The following FKBP5 variants were observed in gnomAD, a reference collection of about 807,000 sequenced individuals.
FKBP5 encodes the protein peptidyl-prolyl cis-trans isomerase FKBP5.
FKBP5 carries 23 observed loss-of-function variants against 50.5 expected under a neutral mutation model. That is an observed-to-expected ratio of 0.46 (90% CI 0.33 to 0.65). The LOEUF (loss-of-function observed/expected upper bound fraction) is 0.65. FKBP5 is among the 30% of genes least tolerant of loss of function. The pLI, the probability that FKBP5 is intolerant of heterozygous loss-of-function variation, is 0.02. For missense variants in FKBP5, 411 were observed against 553.1 expected (o/e 0.74, Z 2.58); for synonymous variants, 176 against 190.6 (o/e 0.92, Z 0.63).
chr6:35,675,003 T>C (rs1581873526), intron 1 of FKBP5, among the ~76,000 whole-genome samples: 1 of 152,232 alleles, frequency 6.6e-6, no homozygotes. Context: ...TTAATAAATA[T>C]CTGGAACACA....
rs558142416 is a variant in FKBP5, at chr6:35,641,748, T to TA, written c.105+971dup. ...GGCCGGGCACGGTGGCTCATGCCTG[T>TA]AATCCCAACACTTTGCGAGGCCAAG... On this transcript the variant is annotated intron_variant, in intron 2 of 10. Coordinates refer to ENST00000357266, the MANE Select transcript of FKBP5 (RefSeq NM_004117.4). 6.4e-4 allele frequency among the ~76,000 whole-genome samples: 98 copies of TA among 152,250 alleles called. 1 individual carries two copies. The highest frequency in any genetic ancestry group is 2.3e-3 in the African/African-American group (96 of 41,548).
intron 8 of FKBP5, chr6:35,582,769 C>T (rs1005553697): frequency 2.6e-5 from 26 of 985,146 alleles, no homozygotes; most frequent in East Asian, 2.3e-4. Context: ...AGTTTCAGGT[C>T]GGCATTTTCT....
intron 9 of FKBP5, among the ~76,000 whole-genome samples, chr6:35,579,551 A>C (rs913579909): frequency 6.6e-6 from 1 of 152,212 alleles, no homozygotes; most frequent in Non-Finnish European, 1.5e-5. Context: ...AAATGTAAAA[A>C]TAAAAAGGCT....
At chr6:35,652,800 C>T (rs1475742628) in intron 1 of FKBP5, among the ~76,000 whole-genome samples, 2 of 152,174 alleles carry the variant, frequency 1.3e-5, no homozygotes, top group African/African-American at 4.8e-5. Flanking sequence ...TATTCGCACA[C>T]TCCCTCCCCT....
intron 1 of FKBP5, among the ~76,000 whole-genome samples, chr6:35,672,960 A>T (rs1487133839): frequency 6.6e-6 from 1 of 152,094 alleles, no homozygotes; most frequent in Admixed American, 6.5e-5. Context: ...GTACTTGTAC[A>T]TTATGCAAAT....
rs1766615822 is a variant in FKBP5 at position 35,721,805 on chromosome 6, C to G, written c.-240-1257G>C. Among the ~76,000 whole-genome samples the G allele has an allele frequency of 1.3e-5, 2 of 152,232 alleles. 1 individual carries two copies. The highest frequency in any genetic ancestry group is 4.1e-4 in the South Asian group (2 of 4,832). ...GCGTACTCCCAGTTGTGATTTTGAC[C>G]AAGAAACTAACCTTCCTGACCAAGC... is the stretch of plus-strand genomic sequence containing the variant. On this transcript the variant is annotated intron_variant, in intron 1 of 11. Transcript: ENST00000536438.
At chr6:35,714,171 G>A (rs1766468049) in intron 2 of FKBP5, among the ~76,000 whole-genome samples, 1 of 149,062 alleles carries the variant, frequency 6.7e-6, no homozygotes, top group South Asian at 2.1e-4. Flanking sequence ...ATCTTAGGCG[G>A]CCAGGCACAG....
intron 2 of FKBP5, among the ~76,000 whole-genome samples, chr6:35,719,276 A>G (rs1019329676): frequency 2.0e-5 from 3 of 152,180 alleles, no homozygotes; most frequent in African/African-American, 7.2e-5. Context: ...AAACACACAC[A>G]TGATCTATGG....
chr6:35,687,152 C>T (rs939114753), intron 1 of FKBP5, among the ~76,000 whole-genome samples: 39 of 152,084 alleles, frequency 2.6e-4, no homozygotes, highest in African/African-American at 8.9e-4. Flanking sequence ...AACTTAATCT[C>T]CGAAGTATAA....
intron 8 of FKBP5, chr6:35,583,544 G>A (rs1417706344): frequency 2.0e-6 from 2 of 985,432 alleles, no homozygotes; most frequent in Non-Finnish European, 2.4e-6. Context: ...CCCTGCTTCT[G>A]AGGTACTAAA....
In FKBP5 at chr6:35,591,196, C is replaced by T. The variant is rs377229616; in HGVS notation, c.690G>A (p.Lys230=). 6.2e-6 allele frequency: 10 copies of T among 1,612,190 alleles called. No individual in the cohort carries two copies. Among genetic ancestry groups the T allele is most frequent in the Middle Eastern group, 1.7e-4 (1 of 6,030 alleles). Residue 230 remains lysine, a synonymous_variant, in exon 7 of 11, where the codon AAG becomes AAA. Coordinates refer to ENST00000357266, the MANE Select transcript of FKBP5 (RefSeq NM_004117.4). ...GPRYGFGEAG[K]PKFGIEPNAE... ...CATTAGGTTCAATGCCAAATTTAGG[C>T]TTCCCTGCCTCTCCAAAACCATATC... is the stretch of plus-strand genomic sequence containing the variant.
chr6:35,624,712 A>G (rs1218525500), intron 3 of FKBP5, among the ~76,000 whole-genome samples: 1 of 152,178 alleles, frequency 6.6e-6, no homozygotes, highest in Non-Finnish European at 1.5e-5. Flanking sequence ...CATCCAATCG[A>G]GAAAGCTCTG....
chr6:35,653,664 A>G (rs1309331149), intron 1 of FKBP5, among the ~76,000 whole-genome samples: 1 of 152,178 alleles, frequency 6.6e-6, no homozygotes, highest in Non-Finnish European at 1.5e-5. Context: ...AAGGACCCTA[A>G]AGTACACTGG....
intron 2 of FKBP5, among the ~76,000 whole-genome samples, chr6:35,718,908 G>A (rs966803306): frequency 2.0e-5 from 3 of 152,198 alleles, no homozygotes; most frequent in African/African-American, 4.8e-5. Context: ...CTGGGTAGAT[G>A]CCCCTGAGAG....
intron 5 of FKBP5, among the ~76,000 whole-genome samples, chr6:35,610,795 T>A (rs1763469424): frequency 6.6e-6 from 1 of 152,106 alleles, no homozygotes; most frequent in Admixed American, 6.5e-5. Context: ...GCCTGCAAAC[T>A]AGAATAATCT....
chr6:35,645,332 G>A (rs1764600850), intron 1 of FKBP5, among the ~76,000 whole-genome samples: 1 of 152,220 alleles, frequency 6.6e-6, no homozygotes, highest in Admixed American at 6.5e-5. Flanking sequence ...AGGTGGCTGA[G>A]ATGGAAGGAC....
chr6:35,625,708 C>T (rs1394606675), intron 3 of FKBP5, among the ~76,000 whole-genome samples: 2 of 148,724 alleles, frequency 1.3e-5, no homozygotes, highest in Non-Finnish European at 3.0e-5. Flanking sequence ...TGCACTCCAG[C>T]CTGGGCGACA....
rs191932124 is a variant in FKBP5 at position 35,714,440 on chromosome 6, G to A, written c.-20+5888C>T. On this transcript the variant is annotated intron_variant, in intron 2 of 11. Coordinates refer to the FKBP5 transcript ENST00000536438. ...GCACTTCAGCCTGGGTGACAAGAGCGAAACACTGCCTCAAAAAAAAAAAAA... is the reference window on the plus strand; with the variant it reads ...GCACTTCAGCCTGGGTGACAAGAGCAAAACACTGCCTCAAAAAAAAAAAAA... 1.1e-3 allele frequency among the ~76,000 whole-genome samples: 122 copies of A among 107,014 alleles called. No individual in the cohort carries two copies. The East Asian group carries it at 0.024, about 21-fold the overall frequency. 70.2% of individuals were successfully genotyped at this position (107,014 alleles called of 152,430 possible).
Position 35,620,238 on chromosome 6 carries a change from G to A in FKBP5, c.287C>T (p.Thr96Ile), listed in dbSNP as rs749077379. ...ATGGCATATCTCTCCTTTCTTCATG[G>A]TAGCCACCCCAATGTCCCATGCCTT... The part of the protein sequence containing the change: ...VIKAWDIGVA[T>I]MKKGEICHLL... The change falls in exon 4 of 11, where the codon ACC becomes ATC. Residue 96 changes from threonine to isoleucine, a missense_variant. Thr to Ile is a moderately conservative substitution (Grantham distance 89). Coordinates refer to ENST00000357266, the MANE Select transcript of FKBP5 (RefSeq NM_004117.4). 1.2e-6 allele frequency: 2 copies of A among 1,614,102 alleles called. No homozygotes were observed. Among genetic ancestry groups the A allele is most frequent in the Non-Finnish European group, 1.7e-6 (2 of 1,180,012 alleles).
Sources: gnomAD v4.1 joint callset for allele counts (sites outside exome capture counted in the v4.1 genomes callset) on GRCh38, gnomAD v4.1.1 for gene constraint, MANE v1.5 for transcripts, NCBI Gene and HGNC (gene_info 2026-07-23, HGNC 2026-07-21) for gene names.